ATL2: variants seen among roughly 807,000 people sequenced by gnomAD.
ATL2 encodes atlastin GTPase 2.
ATL2 carries 31 observed loss-of-function variants against 73.9 expected under a neutral mutation model. The observed-to-expected ratio is 0.42, with a 90% CI of 0.32 to 0.57. The LOEUF is 0.57. Among genes scored for constraint, ATL2 ranks in the 20% least tolerant of loss-of-function variants. The pLI, the probability that ATL2 is intolerant of heterozygous loss-of-function variation, is 0.14. For missense variants in ATL2, 738 were observed against 702.6 expected (o/e 1.05, Z -0.57); for synonymous variants, 291 against 237.5 (o/e 1.23, Z -2.07).
chr2:38,317,069 T>C (rs1390927223), intron 4 of ATL2, among the ~76,000 whole-genome samples: 2 of 152,102 alleles, frequency 1.3e-5, no homozygotes, highest in Non-Finnish European at 2.9e-5. Flanking sequence ...CTTTCCACTC[T>C]GATGGCTAGG....
intron 12 of ATL2, chr2:38,296,775 T>A: frequency 6.5e-7 from 1 of 1,545,776 alleles, no homozygotes; most frequent in Non-Finnish European, 8.7e-7. Flanking sequence ...TCTGACTAGC[T>A]GATTACCTTA....
At chr2:38,348,909 C>A (rs1042000578) in intron 1 of ATL2, among the ~76,000 whole-genome samples, 1 of 151,900 alleles carries the variant, frequency 6.6e-6, no homozygotes, top group Non-Finnish European at 1.5e-5. Context: ...GCAGCCAAAA[C>A]ACACATGAAA....
intron 6 of ATL2, among the ~76,000 whole-genome samples, chr2:38,313,878 GTGGCAAAATGATCCCAGTTCAGAAAAA>G (rs1358652698): frequency 6.6e-6 from 1 of 152,130 alleles, no homozygotes; most frequent in Non-Finnish European, 1.5e-5. Context: ...GTCCCCTTGG[GTGGCAAAATGATCCCAGTTCAGAAAAA>G]ACTGATATAG....
In ATL2 at chr2:38,358,038, A is replaced by C. The variant is rs140698136; in HGVS notation, c.119-14526T>G. On this transcript the variant is annotated intron_variant, in intron 1 of 12. Transcript: ENST00000378954. ...TCACCTGAGTATCTTGTTAAAATGC[A>C]TATCCTGATTCAATAAAACTGGGAT... is the stretch of plus-strand genomic sequence containing the variant. Among the ~76,000 whole-genome samples the C allele has an allele frequency of 1.3e-3, 201 of 152,328 alleles. 3 individuals are homozygous for C. In the East Asian group the frequency reaches 0.035, roughly 27 times the overall value.
intron 1 of ATL2, among the ~76,000 whole-genome samples, chr2:38,367,140 T>C (rs1489751467): frequency 6.6e-6 from 1 of 152,012 alleles, no homozygotes. Context: ...CTTTTAATCT[T>C]AGAACTTTTC....
Position 38,332,487 on chromosome 2 carries a change from C to T in ATL2, c.363+10781G>A, listed in dbSNP as rs541610268. Among the ~76,000 whole-genome samples the T allele has an allele frequency of 3.9e-5, 6 of 152,130 alleles. No individual in the cohort carries two copies. The South Asian group carries it at 8.3e-4, about 21-fold the overall frequency. On this transcript the variant is annotated intron_variant, in intron 2 of 12. Coordinates refer to ENST00000378954, the MANE Select transcript of ATL2 (RefSeq NM_001135673.4). Reference sequence around the variant, plus strand: ...TCCCAGAGTTCTGGGATTACAGGCACGAGCCACCATGCCCCGCCAATGGAA... The same window carrying T: ...TCCCAGAGTTCTGGGATTACAGGCATGAGCCACCATGCCCCGCCAATGGAA...
At chr2:38,319,229 T>A (rs531468050) in intron 2 of ATL2, among the ~76,000 whole-genome samples, 2 of 152,168 alleles carry the variant, frequency 1.3e-5, no homozygotes, top group Non-Finnish European at 2.9e-5. Flanking sequence ...CAAACTCGAA[T>A]CTTCTCAAAT....
intron 4 of ATL2, chr2:38,318,292 A>C (rs1393248905): frequency 3.3e-6 from 1 of 304,582 alleles, no homozygotes; most frequent in Non-Finnish European, 6.0e-6. Flanking sequence ...AGCCTGCCCA[A>C]CGTGGTGAAA....
At chr2:38,311,748 T>G (rs927053720) in intron 7 of ATL2, among the ~76,000 whole-genome samples, 1 of 152,236 alleles carries the variant, frequency 6.6e-6, no homozygotes, top group Non-Finnish European at 1.5e-5. Flanking sequence ...GTTCATTTTT[T>G]ATAAATTCAT....
At chr2:38,360,922 G>C (rs1373151829) in intron 1 of ATL2, among the ~76,000 whole-genome samples, 2 of 145,646 alleles carry the variant, frequency 1.4e-5, no homozygotes, top group African/African-American at 5.6e-5. Context: ...AAGTATTGTT[G>C]GTAACTACAA....
intron 12 of ATL2, 169 bp from the exon 13 acceptor site, chr2:38,296,282 A>G (rs759280093): frequency 4.9e-6 from 7 of 1,437,740 alleles, no homozygotes; most frequent in Non-Finnish European, 6.3e-6. Context: ...TAGACATTTT[A>G]TAATGCAACA....
intron 1 of ATL2, among the ~76,000 whole-genome samples, chr2:38,365,134 T>TACACACACACACACACACACACACAC (rs541325892): frequency 1.7e-4 from 22 of 132,734 alleles, no homozygotes; most frequent in African/African-American, 5.3e-4. Flanking sequence ...AAGGGAATCA[T>TACACACACACACACACACACACACAC]ACACACACAC....
chr2:38,335,195 C>A (rs1669282132), intron 2 of ATL2, among the ~76,000 whole-genome samples: 1 of 151,706 alleles, frequency 6.6e-6, no homozygotes, highest in Non-Finnish European at 1.5e-5. Flanking sequence ...GCAATCCCTA[C>A]TAAAAGTAAA....
At chr2:38,352,105 T>C (rs1670382861) in intron 1 of ATL2, among the ~76,000 whole-genome samples, 1 of 116,456 alleles carries the variant, frequency 8.6e-6, no homozygotes, top group Admixed American at 9.6e-5. Flanking sequence ...AGCAAAACTC[T>C]GTTTCAAAAA....
chr2:38,300,935 G>A (rs1051410859), intron 9 of ATL2, among the ~76,000 whole-genome samples: 2 of 149,260 alleles, frequency 1.3e-5, no homozygotes, highest in Admixed American at 6.7e-5. Context: ...AAAGATAAGA[G>A]TTTGTTAGAA....
intron 2 of ATL2, among the ~76,000 whole-genome samples, chr2:38,337,484 T>TC: frequency 4.3e-5 from 1 of 23,112 alleles, no homozygotes; most frequent in Non-Finnish European, 8.1e-5. Context: ...AGACTCTGTC[T>TC]CCAAAAAAAA....
intron 1 of ATL2, among the ~76,000 whole-genome samples, chr2:38,353,459 G>A (rs894289054): frequency 6.6e-6 from 1 of 152,182 alleles, no homozygotes; most frequent in Non-Finnish European, 1.5e-5. Flanking sequence ...CGAACCTATG[G>A]AACACTATCC....
Position 38,344,004 on chromosome 2 carries a change from T to C in ATL2, c.119-492A>G, listed in dbSNP as rs1558433600. On this transcript the variant is annotated intron_variant, in intron 1 of 12. Coordinates refer to ENST00000378954, the MANE Select transcript of ATL2 (RefSeq NM_001135673.4). ...CATTAAACCTCTTTCTTTTGTAAAT[T>C]GCCCAGTCTCAAGTATGTCTTTATT... Among the ~76,000 whole-genome samples, 2 of 152,154 alleles carry C rather than the reference T, an allele frequency of 1.3e-5. 1 individual carries two copies. Among genetic ancestry groups the C allele is most frequent in the East Asian group, 3.9e-4 (2 of 5,192 alleles).
At chr2:38,360,128 CAAAAAAA>C (rs755582696) in intron 1 of ATL2, among the ~76,000 whole-genome samples, 10,478 of 82,146 alleles carry the variant, frequency 0.13, 796 homozygotes, top group African/African-American at 0.27. Context: ...GGCTCCATTT[CAAAAAAA>C]AAAAAAAAAA....
Sources: allele counts gnomAD v4.1 joint callset (sites outside exome capture counted in the v4.1 genomes callset), GRCh38; gene constraint gnomAD v4.1.1; transcripts MANE v1.5; gene names NCBI Gene and HGNC (gene_info 2026-07-23, HGNC 2026-07-21).